The following MAGI2 variants were observed in gnomAD, a reference collection of about 807,000 sequenced individuals.
The protein encoded by MAGI2 is membrane-associated guanylate kinase, WW and PDZ domain-containing protein 2.
A neutral mutation model predicts 133.3 loss-of-function variants in MAGI2; 35 were observed. The ratio of observed to expected loss-of-function variants is 0.26; its 90% CI spans 0.20 to 0.35. MAGI2 has a LOEUF of 0.35. Ranked by LOEUF, MAGI2 falls within the 10% of genes least tolerant of loss-of-function variation. The pLI is 1.00. For synonymous variants in MAGI2, 729 were observed against 710.6 expected (o/e 1.03, Z -0.41); for missense variants, 1,636 against 1,863.4 (o/e 0.88, Z 2.25).
rs1421219309 is a variant in MAGI2, at chr7:79,358,237, G to A, written c.301+94783C>T. 3.3e-5 allele frequency among the ~76,000 whole-genome samples: 5 copies of A among 152,092 alleles called. No homozygotes were observed. The East Asian group carries it at 9.7e-4, about 29-fold the overall frequency. On this transcript the variant is annotated intron_variant, in intron 1 of 21. Transcript: ENST00000354212. The stretch of plus-strand genomic sequence containing the variant: ...CACACACAGGTGAGAAAAAACAAGT[G>A]CAATGTGCATTTGATTAAATAAGGA...
At chr7:79,442,058 C>G (rs1848529746) in intron 1 of MAGI2, among the ~76,000 whole-genome samples, 1 of 151,964 alleles carries the variant, frequency 6.6e-6, no homozygotes, top group Non-Finnish European at 1.5e-5. Context: ...GGATATTATC[C>G]CATACACTGC....
chr7:78,481,008 G>T (rs1306847535), intron 6 of MAGI2, among the ~76,000 whole-genome samples: 1 of 151,850 alleles, frequency 6.6e-6, no homozygotes, highest in Non-Finnish European at 1.5e-5. Flanking sequence ...TAATCTGGAG[G>T]TTTAATACAA....
intron 11 of MAGI2, among the ~76,000 whole-genome samples, chr7:78,196,774 T>G (rs1828778492): frequency 6.6e-6 from 1 of 152,232 alleles, no homozygotes; most frequent in African/African-American, 2.4e-5. Flanking sequence ...AAGACTGGCT[T>G]CGTTTTAATT....
intron 1 of MAGI2, among the ~76,000 whole-genome samples, chr7:79,421,358 T>C (rs1846946840): frequency 6.6e-6 from 1 of 151,986 alleles, no homozygotes; most frequent in African/African-American, 2.4e-5. Context: ...TTACTCACAT[T>C]TTATTATCAT....
chr7:78,392,378 G>A (rs1461174907), intron 6 of MAGI2, among the ~76,000 whole-genome samples: 3 of 152,158 alleles, frequency 2.0e-5, no homozygotes, highest in Non-Finnish European at 2.9e-5. Flanking sequence ...AAGTGTGTGA[G>A]ATAGAGAGAT....
At chr7:78,669,935 G>A (rs926144259) in intron 2 of MAGI2, among the ~76,000 whole-genome samples, 2 of 151,428 alleles carry the variant, frequency 1.3e-5, no homozygotes, top group Non-Finnish European at 2.9e-5. Flanking sequence ...AATAATAAGA[G>A]CTATCTATGA....
At chr7:79,408,564 G>GTGTATAT (rs992802518) in intron 1 of MAGI2, among the ~76,000 whole-genome samples, 9 of 152,152 alleles carry the variant, frequency 5.9e-5, no homozygotes, top group African/African-American at 1.9e-4. Flanking sequence ...AAATGGAAAT[G>GTGTATAT]TGTATATTGA....
intron 2 of MAGI2, among the ~76,000 whole-genome samples, chr7:78,843,549 T>C (rs1238213140): frequency 2.0e-5 from 3 of 151,946 alleles, no homozygotes; most frequent in African/African-American, 7.2e-5. Flanking sequence ...CACAAATAAC[T>C]ACATTTTAGC....
chr7:78,750,646 A>G (rs1375057314), intron 2 of MAGI2, among the ~76,000 whole-genome samples: 1 of 152,178 alleles, frequency 6.6e-6, no homozygotes, highest in African/African-American at 2.4e-5. Flanking sequence ...CATTAGGAAG[A>G]TAAACTGTGG....
intron 1 of MAGI2, among the ~76,000 whole-genome samples, chr7:79,351,121 C>T (rs913740136): frequency 6.6e-6 from 1 of 152,054 alleles, no homozygotes; most frequent in Non-Finnish European, 1.5e-5. Context: ...AAATAATATA[C>T]TTCAATTTTT....
At chr7:78,738,982 G>T (rs906910721) in intron 2 of MAGI2, among the ~76,000 whole-genome samples, 4 of 152,180 alleles carry the variant, frequency 2.6e-5, no homozygotes, top group Admixed American at 2.6e-4. Flanking sequence ...CAAACATAGA[G>T]AATCTAGGAA....
At chr7:78,564,919 G>A (rs1033311993) in intron 3 of MAGI2, among the ~76,000 whole-genome samples, 2 of 147,026 alleles carry the variant, frequency 1.4e-5, no homozygotes, top group Non-Finnish European at 3.0e-5. Flanking sequence ...TGAGCCTCCC[G>A]AGCTGCTGGG....
chr7:78,802,262 A>G (rs980846719), intron 2 of MAGI2, among the ~76,000 whole-genome samples: 2 of 152,042 alleles, frequency 1.3e-5, no homozygotes, highest in African/African-American at 4.8e-5. Context: ...ACTGAACACA[A>G]TTTATAACTG....
intron 2 of MAGI2, among the ~76,000 whole-genome samples, chr7:78,978,941 G>T (rs1370520531): frequency 6.6e-6 from 1 of 151,828 alleles, no homozygotes; most frequent in Non-Finnish European, 1.5e-5. Context: ...ATGAATGGTG[G>T]ATGGTGAGAG....
At chr7:78,361,299 C>T (rs951594458) in intron 7 of MAGI2, among the ~76,000 whole-genome samples, 1 of 150,676 alleles carries the variant, frequency 6.6e-6, no homozygotes, top group Admixed American at 6.7e-5. Flanking sequence ...GGGGCTGAGG[C>T]AGAGAACTGC....
At chr7:79,106,133 A>C (rs995485666) in intron 1 of MAGI2, among the ~76,000 whole-genome samples, 1 of 152,192 alleles carries the variant, frequency 6.6e-6, no homozygotes, top group Non-Finnish European at 1.5e-5. Context: ...ACAGGAACTA[A>C]CTATTGATAC....
At chr7:78,195,870 A>G (rs988446489) in intron 11 of MAGI2, among the ~76,000 whole-genome samples, 23 of 152,204 alleles carry the variant, frequency 1.5e-4, no homozygotes, top group Admixed American at 2.6e-4. Context: ...CTTCACCTTC[A>G]TTCATCAACT....
At chr7:79,287,813 T>C (rs769683220) in intron 1 of MAGI2, among the ~76,000 whole-genome samples, 1 of 152,134 alleles carries the variant, frequency 6.6e-6, no homozygotes, top group Admixed American at 6.6e-5. Context: ...CAGACATTTA[T>C]GTATATGATT....
intron 1 of MAGI2, among the ~76,000 whole-genome samples, chr7:79,373,239 T>G (rs1843167339): frequency 6.6e-6 from 1 of 152,040 alleles, no homozygotes; most frequent in African/African-American, 2.4e-5. Flanking sequence ...ACATTAAAGT[T>G]ATGTTTATTT....
Sources: allele counts gnomAD v4.1 joint callset (sites outside exome capture counted in the v4.1 genomes callset), GRCh38; gene constraint gnomAD v4.1.1; transcripts MANE v1.5; gene names NCBI Gene and HGNC (gene_info 2026-07-23, HGNC 2026-07-21).